Variants in ADAM18 observed in about 807,000 individuals in gnomAD.
ADAM18 encodes the protein ADAM metallopeptidase domain 18.
ADAM18 carries 117 observed loss-of-function variants against 94.4 expected under a neutral mutation model. That is an observed-to-expected ratio of 1.24 (90% CI 1.07 to 1.45). ADAM18 has a LOEUF of 1.45. Ranked by LOEUF, ADAM18 falls within the 40% of genes most tolerant of loss-of-function variation. ADAM18 has a pLI of 0.00. For missense variants in ADAM18, 936 were observed against 880.0 expected (o/e 1.06, Z -0.81); for synonymous variants, 327 against 291.6 (o/e 1.12, Z -1.24).
At chr8:39,689,899 T>C (rs1821722466) in intron 16 of ADAM18, among the ~76,000 whole-genome samples, 1 of 152,142 alleles carries the variant, frequency 6.6e-6, no homozygotes, top group African/African-American at 2.4e-5. Context: ...GCTCTCCTTG[T>C]AGAGATCTTT....
At chr8:39,712,228 G>C (rs1822429882) in intron 18 of ADAM18, among the ~76,000 whole-genome samples, 2 of 152,082 alleles carry the variant, frequency 1.3e-5, no homozygotes, top group South Asian at 4.1e-4. Flanking sequence ...AAAGGCCTTT[G>C]ATAAAATTCA....
At chr8:39,684,509 G>GT (rs1483157176) in intron 16 of ADAM18, among the ~76,000 whole-genome samples, 5 of 152,174 alleles carry the variant, frequency 3.3e-5, no homozygotes, top group African/African-American at 1.2e-4. Flanking sequence ...GGATTTGCTG[G>GT]TTACAGCCCA....
intron 2 of ADAM18, among the ~76,000 whole-genome samples, chr8:39,597,610 C>T (rs1334720327): frequency 6.6e-6 from 1 of 152,112 alleles, no homozygotes; most frequent in Middle Eastern, 3.2e-3. Context: ...AATTTCTGTG[C>T]TCTTTTTTCT....
chr8:39,586,655 G>A (rs911837246), intron 2 of ADAM18, among the ~76,000 whole-genome samples: 16 of 152,170 alleles, frequency 1.1e-4, no homozygotes, highest in East Asian at 3.9e-4. Context: ...TGAGCCCAGC[G>A]GTTGGAGGCT....
chr8:39,650,839 G>A (rs555228561), intron 12 of ADAM18, among the ~76,000 whole-genome samples: 12 of 152,308 alleles, frequency 7.9e-5, no homozygotes, highest in African/African-American at 2.6e-4. Context: ...TTTCTTGTCA[G>A]GTGGAATGAG....
intron 18 of ADAM18, among the ~76,000 whole-genome samples, chr8:39,711,003 C>T (rs1822380133): frequency 6.6e-6 from 1 of 152,172 alleles, no homozygotes; most frequent in African/African-American, 2.4e-5. Flanking sequence ...AGTGCTCCAG[C>T]ACAGACTCAG....
At chr8:39,619,578 A>G (rs1208106596) in intron 6 of ADAM18, among the ~76,000 whole-genome samples, 1 of 152,152 alleles carries the variant, frequency 6.6e-6, no homozygotes, top group Admixed American at 6.5e-5. Context: ...AAAAAACAGT[A>G]TCATTTCTAT....
intron 17 of ADAM18, among the ~76,000 whole-genome samples, chr8:39,705,789 T>A (rs1204106992): frequency 2.6e-5 from 4 of 152,106 alleles, no homozygotes; most frequent in African/African-American, 9.7e-5. Flanking sequence ...ACACAATATC[T>A]ATAGGAAAAT....
chr8:39,614,715 C>T (rs978145479), intron 6 of ADAM18, among the ~76,000 whole-genome samples: 3 of 152,110 alleles, frequency 2.0e-5, no homozygotes, highest in African/African-American at 7.2e-5. Context: ...TTCAAGGGAC[C>T]CATTTCACAT....
intron 12 of ADAM18, among the ~76,000 whole-genome samples, chr8:39,653,297 A>T (rs1001292920): frequency 2.6e-5 from 4 of 152,122 alleles, no homozygotes; most frequent in Admixed American, 6.6e-5. Flanking sequence ...TCGATTTTTT[A>T]AAAAATGTAT....
intron 16 of ADAM18, among the ~76,000 whole-genome samples, chr8:39,684,396 T>C (rs1439682342): frequency 1.3e-5 from 2 of 152,238 alleles, no homozygotes; most frequent in African/African-American, 2.4e-5. Context: ...ATATAAACTG[T>C]GACATACAGT....
chr8:39,685,211 A>ATG (rs1430904608), intron 16 of ADAM18: 3 of 152,328 alleles, frequency 2.0e-5, no homozygotes, highest in Non-Finnish European at 2.9e-5. Context: ...AGGTGAAGGC[A>ATG]GCCATGCCTC....
intron 15 of ADAM18, among the ~76,000 whole-genome samples, chr8:39,679,559 A>C (rs1429266261): frequency 2.0e-5 from 3 of 152,184 alleles, no homozygotes; most frequent in African/African-American, 7.2e-5. Flanking sequence ...GCTGGGAGAA[A>C]TTGTGGATCA....
intron 12 of ADAM18, among the ~76,000 whole-genome samples, chr8:39,654,153 CCTT>C (rs1820620152): frequency 8.4e-6 from 1 of 118,766 alleles, no homozygotes; most frequent in Non-Finnish European, 1.8e-5. Context: ...GGATTTCATT[CCTT>C]TTTTTTTTTT....
intron 18 of ADAM18, among the ~76,000 whole-genome samples, chr8:39,717,915 A>G (rs1025822961): frequency 7.2e-5 from 11 of 151,736 alleles, no homozygotes; most frequent in African/African-American, 2.2e-4. Context: ...TGTTTAAAAA[A>G]TGGGTTGACT....
chr8:39,606,655 A>T (rs1159045944), intron 3 of ADAM18, among the ~76,000 whole-genome samples: 2 of 152,314 alleles, frequency 1.3e-5, no homozygotes, highest in African/African-American at 2.4e-5. Flanking sequence ...TATATTAAGT[A>T]TATCTGGTGT....
intron 9 of ADAM18, 89 bp downstream of exon 9, chr8:39,637,792 TG>T (rs1288617515): frequency 1.2e-5 from 15 of 1,264,250 alleles, no homozygotes; most frequent in Non-Finnish European, 1.4e-5. Context: ...TTCAGTTTTT[TG>T]TAAGCCCCTT....
At chr8:39,662,328 A>G (rs924561796) in intron 12 of ADAM18, among the ~76,000 whole-genome samples, 2 of 152,160 alleles carry the variant, frequency 1.3e-5, no homozygotes, top group Non-Finnish European at 2.9e-5. Context: ...ACCCCTAGAG[A>G]ATCTGGAGTA....
chr8:39,648,580 A>G, intron 12 of ADAM18, 53 bp downstream of exon 12: 3 of 1,492,448 alleles, frequency 2.0e-6, no homozygotes, highest in Non-Finnish European at 2.7e-6. Context: ...CTGATAAAAC[A>G]TAAGACATGT....
Sources: gnomAD v4.1 joint callset for allele counts (sites outside exome capture counted in the v4.1 genomes callset) on GRCh38, gnomAD v4.1.1 for gene constraint, MANE v1.5 for transcripts, NCBI Gene and HGNC (gene_info 2026-07-23, HGNC 2026-07-21) for gene names.